PACSIN2: variants seen among roughly 807,000 people sequenced by gnomAD.
PACSIN2 encodes protein kinase C and casein kinase substrate in neurons 2.
A neutral mutation model predicts 63.8 loss-of-function variants in PACSIN2; 25 were observed. The ratio of observed to expected loss-of-function variants is 0.39; its 90% CI spans 0.29 to 0.55. The LOEUF is 0.55. PACSIN2 is among the 20% of genes least tolerant of loss of function. The pLI, the probability that PACSIN2 is intolerant of heterozygous loss-of-function variation, is 0.62. For missense variants in PACSIN2, 518 were observed against 646.9 expected (o/e 0.80, Z 2.16); for synonymous variants, 255 against 256.2 (o/e 1.00, Z 0.05).
chr22:42,990,036 GTA>G (rs3985928), intron 1 of PACSIN2, among the ~76,000 whole-genome samples: 7,452 of 33,248 alleles, frequency 0.22, 512 homozygotes, highest in African/African-American at 0.46. Context: ...GTATATATAT[GTA>G]TATATATATA....
At chr22:42,949,053 G>A (rs751554412) in intron 1 of PACSIN2, among the ~76,000 whole-genome samples, 11 of 152,176 alleles carry the variant, frequency 7.2e-5, no homozygotes, top group Non-Finnish European at 1.6e-4. Flanking sequence ...AGCACTTTGG[G>A]AGGTGGAGGT....
At position 42,934,897 on chromosome 22, in the gene PACSIN2, T is replaced by G. The variant is rs1469448048; in HGVS notation, c.-77-22740A>C. Among the ~76,000 whole-genome samples the G allele has an allele frequency of 6.3e-5, 6 of 94,724 alleles. No individual in the cohort carries two copies. The Admixed American group carries it at 6.9e-4, about 11-fold the overall frequency. The allele number at this position is 94,724 out of a possible 152,430, so 62.1% of individuals were successfully genotyped here. ...TTCTTTTCTTTCTTTTCTCTTTCTTTTCTTTTCTTTCTTCCTTTTTCTTTT... is the reference window on the plus strand; with the variant it reads ...TTCTTTTCTTTCTTTTCTCTTTCTTGTCTTTTCTTTCTTCCTTTTTCTTTT... On this transcript the variant is annotated intron_variant, in intron 1 of 10. Coordinates refer to ENST00000263246, the MANE Select transcript of PACSIN2 (RefSeq NM_001184970.3).
chr22:42,902,527 T>C (rs1285561823), intron 2 of PACSIN2, among the ~76,000 whole-genome samples: 1 of 152,098 alleles, frequency 6.6e-6, no homozygotes, highest in Non-Finnish European at 1.5e-5. Flanking sequence ...CCATTCCCCC[T>C]GGAAAGGAAG....
chr22:42,951,723 G>A (rs996092662), intron 1 of PACSIN2, among the ~76,000 whole-genome samples: 1 of 152,160 alleles, frequency 6.6e-6, no homozygotes, highest in African/African-American at 2.4e-5. Context: ...CAGTTACCCT[G>A]GTTCAATCTA....
intron 1 of PACSIN2, among the ~76,000 whole-genome samples, chr22:42,965,440 G>C (rs2146857366): frequency 6.6e-6 from 1 of 152,256 alleles, no homozygotes; most frequent in African/African-American, 2.4e-5. Context: ...GCGGGAGAAG[G>C]AGGGGAAAAG....
intron 1 of PACSIN2, among the ~76,000 whole-genome samples, chr22:42,965,533 T>C (rs1031240773): frequency 6.6e-6 from 1 of 152,238 alleles, no homozygotes; most frequent in Non-Finnish European, 1.5e-5. Flanking sequence ...AGCGTCTGCA[T>C]CTGCAATACA....
intron 1 of PACSIN2, among the ~76,000 whole-genome samples, chr22:43,003,796 C>T (rs1474724531): frequency 1.3e-5 from 2 of 152,118 alleles, no homozygotes; most frequent in African/African-American, 2.4e-5. Flanking sequence ...ATGCATCTGC[C>T]GAAGATGAGG....
intron 1 of PACSIN2, among the ~76,000 whole-genome samples, chr22:42,914,106 C>T (rs1931652457): frequency 6.6e-6 from 1 of 152,218 alleles, no homozygotes; most frequent in Admixed American, 6.5e-5. Flanking sequence ...GGAGAGAACT[C>T]CAGTGAGGGG....
chr22:42,905,429 A>G lies in PACSIN2; in HGVS notation c.60+6592T>C, dbSNP rs188605323. Among the ~76,000 whole-genome samples the G allele has an allele frequency of 4.0e-3, 615 of 152,370 alleles. 2 individuals carry two copies. The highest frequency in any genetic ancestry group is 5.9e-3 in the Non-Finnish European group (400 of 68,038). The stretch of plus-strand genomic sequence containing the variant: ...ATGCAGGTGTCCTGTGACCTCAGAC[A>G]AAATAAACTCTGGGTGTCAACAGGC... On this transcript the variant is annotated intron_variant, in intron 2 of 10. Transcript: ENST00000263246.
Position 43,010,398 on chromosome 22 carries a change from A to ATATATATATATATATATATATATAT in PACSIN2, c.-78+4622_-78+4623insATATATATATATATATATATATATA. ...TGTTTAAAAATACATATATATATAT[A>ATATATATATATATATATATATATAT]TTTTTTTTTAATTGAAAATAAAAAA... On this transcript the variant is annotated intron_variant, in intron 1 of 10. Coordinates refer to ENST00000263246, the MANE Select transcript of PACSIN2 (RefSeq NM_001184970.3). 1.8e-3 allele frequency among the ~76,000 whole-genome samples: 232 copies of ATATATATATATATATATATATATAT among 126,350 alleles called. 2 individuals are homozygous for ATATATATATATATATATATATATAT. The highest frequency in any genetic ancestry group is 2.7e-3 in the Non-Finnish European group (158 of 58,126). The allele number at this position is 126,350 out of a possible 152,430, so 82.9% of individuals were successfully genotyped here.
chr22:42,915,703 G>A (rs1415761097), intron 1 of PACSIN2, among the ~76,000 whole-genome samples: 1 of 152,186 alleles, frequency 6.6e-6, no homozygotes, highest in Admixed American at 6.5e-5. Flanking sequence ...GAATTAGGAA[G>A]ACAAATCTTT....
intron 1 of PACSIN2, among the ~76,000 whole-genome samples, chr22:42,981,949 G>A (rs1483682355): frequency 0.017 from 655 of 37,524 alleles, no homozygotes; most frequent in African/African-American, 0.029. Context: ...CCCCTACTGG[G>A]AAGTGAGGAG....
chr22:42,982,887 A>AAAAAAAAAAAC lies in PACSIN2; in HGVS notation c.-78+32133_-78+32134insGTTTTTTTTTT, dbSNP rs200348918. Among the ~76,000 whole-genome samples, 8 of 129,490 alleles carry AAAAAAAAAAAC rather than the reference A, an allele frequency of 6.2e-5. 1 individual carries two copies. Among genetic ancestry groups the AAAAAAAAAAAC allele is most frequent in the Non-Finnish European group, 1.2e-4 (7 of 58,782 alleles). 85.0% of individuals were successfully genotyped at this position (129,490 alleles called of 152,430 possible). A position where few individuals can be genotyped will look rare whatever the true frequency, so the allele number is the denominator to read the frequency against. On this transcript the variant is annotated intron_variant, in intron 1 of 10. Coordinates refer to ENST00000263246, the MANE Select transcript of PACSIN2 (RefSeq NM_001184970.3). ...TGATCAATAAAAAAAAAAAAAAAAA[A>AAAAAAAAAAAC]AAACAACAACAAGGCTAGGAGCAGT...
At chr22:42,989,578 C>G (rs1922870347) in intron 1 of PACSIN2, among the ~76,000 whole-genome samples, 1 of 148,908 alleles carries the variant, frequency 6.7e-6, no homozygotes, top group East Asian at 2.0e-4. Flanking sequence ...GGGTGGATCA[C>G]GAGGTCACGA....
intron 1 of PACSIN2, among the ~76,000 whole-genome samples, chr22:42,946,394 T>C (rs370281121): frequency 2.0e-5 from 3 of 152,238 alleles, no homozygotes; most frequent in East Asian, 1.9e-4. Context: ...GAGGCACACA[T>C]TGGCCTCTGA....
intron 1 of PACSIN2, among the ~76,000 whole-genome samples, chr22:42,924,782 T>C (rs1293770637): frequency 6.7e-6 from 1 of 149,524 alleles, no homozygotes; most frequent in Admixed American, 6.7e-5. Context: ...TTCGACACAG[T>C]GTCTAGCTCT....
intron 7 of PACSIN2, chr22:42,880,532 G>C (rs888794015): frequency 6.6e-6 from 1 of 152,234 alleles, no homozygotes; most frequent in African/African-American, 2.4e-5. Context: ...GGAGCCTAGC[G>C]GGGGCAGCAC....
chr22:42,918,608 AG>A (rs1931961547), intron 1 of PACSIN2, among the ~76,000 whole-genome samples: 1 of 152,222 alleles, frequency 6.6e-6, no homozygotes, highest in Admixed American at 6.5e-5. Context: ...GACTCAACCC[AG>A]ACCATCAGAC....
chr22:43,014,318 C>T (rs1199440885), intron 1 of PACSIN2, among the ~76,000 whole-genome samples: 8 of 51,764 alleles, frequency 1.5e-4, no homozygotes, highest in Non-Finnish European at 3.0e-4. Flanking sequence ...GCTCCCCCCG[C>T]CCTACACACA....
Sources: allele counts gnomAD v4.1 joint callset (sites outside exome capture counted in the v4.1 genomes callset), GRCh38; gene constraint gnomAD v4.1.1; transcripts MANE v1.5; gene names NCBI Gene and HGNC (gene_info 2026-07-23, HGNC 2026-07-21).